The following LRRFIP1 variants were observed in gnomAD, a reference collection of about 807,000 sequenced individuals.
The protein encoded by LRRFIP1 is leucine-rich repeat flightless-interacting protein 1.
In LRRFIP1, 62 loss-of-function variants were observed where a neutral mutation model predicts 104.4. The ratio of observed to expected loss-of-function variants is 0.59; its 90% CI spans 0.48 to 0.73. The LOEUF (loss-of-function observed/expected upper bound fraction) is 0.73, where lower values mean the gene tolerates loss of function less well. Ranked by LOEUF, LRRFIP1 falls within the 30% of genes least tolerant of loss-of-function variation. The pLI is 0.00. For synonymous variants in LRRFIP1, 300 were observed against 299.0 expected (o/e 1.00, Z -0.03); for missense variants, 796 against 824.5 (o/e 0.97, Z 0.42).
chr2:237,776,349 G>T (rs1329952945), intron 23 of LRRFIP1, among the ~76,000 whole-genome samples: 1 of 152,178 alleles, frequency 6.6e-6, no homozygotes, highest in East Asian at 1.9e-4. Flanking sequence ...CTTGCTTAAT[G>T]GCCTGATACA....
In LRRFIP1 at chr2:237,766,580, C is replaced by T. The variant is rs907214997; in HGVS notation, c.1460-3363C>T. On this transcript the variant is annotated intron_variant, in intron 19 of 23. Coordinates refer to ENST00000308482, the MANE Select transcript of LRRFIP1 (RefSeq NM_001137550.2). The surrounding 1 kb of genome is among the most constrained non-coding windows in gnomAD (Gnocchi z 4.8). ...ACATCACATCCCTCAGCTCAGCCAT[C>T]CAGCCGTCTCAGTGATTCACCACTC... is the stretch of plus-strand genomic sequence containing the variant. Among the ~76,000 whole-genome samples, 2 of 152,180 alleles carry T rather than the reference C, an allele frequency of 1.3e-5. No homozygotes were observed. Among genetic ancestry groups the T allele is most frequent in the Non-Finnish European group, 2.9e-5 (2 of 68,050 alleles).
chr2:237,707,258 C>T (rs184635403), intron 1 of LRRFIP1, among the ~76,000 whole-genome samples: 22 of 150,942 alleles, frequency 1.5e-4, no homozygotes, highest in Admixed American at 4.0e-4. Context: ...CTGGCCACCT[C>T]GGAAGTCCCA....
intron 1 of LRRFIP1, among the ~76,000 whole-genome samples, chr2:237,629,968 CTT>C (rs2082121224): frequency 6.6e-6 from 1 of 152,126 alleles, no homozygotes; most frequent in Non-Finnish European, 1.5e-5. Flanking sequence ...GTTACTCACT[CTT>C]CTCTGGGCCT....
intron 1 of LRRFIP1, among the ~76,000 whole-genome samples, chr2:237,651,439 A>G (rs560639694): frequency 1.3e-5 from 2 of 152,174 alleles, no homozygotes; most frequent in Non-Finnish European, 2.9e-5. Context: ...TCATATTACA[A>G]TTGGTTGGTT....
chr2:237,700,839 G>A (rs773821766), intron 1 of LRRFIP1, among the ~76,000 whole-genome samples: 6 of 152,316 alleles, frequency 3.9e-5, no homozygotes, highest in Admixed American at 6.5e-5. Flanking sequence ...TTCACATGCG[G>A]TGCTTTCCAG....
At chr2:237,749,067 C>T in intron 12 of LRRFIP1, 132 bp from the exon 13 acceptor site, 1 of 885,440 alleles carries the variant, frequency 1.1e-6, no homozygotes, top group Non-Finnish European at 1.7e-6. Flanking sequence ...GAAACTGCCC[C>T]CGTGATCCAG....
chr2:237,730,780 C>T (rs2094964547), intron 8 of LRRFIP1, among the ~76,000 whole-genome samples: 1 of 152,042 alleles, frequency 6.6e-6, no homozygotes, highest in African/African-American at 2.4e-5. Flanking sequence ...TAGCTAGGTG[C>T]GGTGGCACAT....
rs1020930387 is a variant in LRRFIP1, at chr2:237,753,609, A to G, written c.1038+130A>G. Reference sequence around the variant, plus strand: ...CCAAGAGTTCGAGACCAGCCTGGGCAACATGGCGAGACATCATTTCTAAAA... The same window carrying G: ...CCAAGAGTTCGAGACCAGCCTGGGCGACATGGCGAGACATCATTTCTAAAA... On this transcript the variant is annotated intron_variant, in intron 15 of 23. Transcript: ENST00000308482. 5 of 661,244 alleles carry G rather than the reference A, an allele frequency of 7.6e-6. No individual in the cohort carries two copies. In the African/African-American group the frequency reaches 9.4e-5, roughly 12 times the overall value. 41.0% of individuals were successfully genotyped at this position (661,244 alleles called of 1,614,324 possible). A position where few individuals can be genotyped will look rare whatever the true frequency, so the allele number is the denominator to read the frequency against.
intron 1 of LRRFIP1, among the ~76,000 whole-genome samples, chr2:237,708,102 A>C (rs2093902898): frequency 6.6e-6 from 1 of 152,212 alleles, no homozygotes; most frequent in South Asian, 2.1e-4. Context: ...GGAAACCTGG[A>C]GTAGCATCCA....
At chr2:237,747,662 G>A (rs181477201) in intron 11 of LRRFIP1, among the ~76,000 whole-genome samples, 65 of 152,284 alleles carry the variant, frequency 4.3e-4, no homozygotes, top group African/African-American at 1.3e-3. Context: ...TGCAGTTGCC[G>A]CGCATGTCTT....
chr2:237,694,919 A>G (rs893514159), intron 1 of LRRFIP1, among the ~76,000 whole-genome samples: 2 of 152,210 alleles, frequency 1.3e-5, no homozygotes, highest in Non-Finnish European at 1.5e-5. Flanking sequence ...CACTGTCCCA[A>G]GAAAGGGCTG....
chr2:237,703,816 C>T lies in LRRFIP1; in HGVS notation c.97-4728C>T, dbSNP rs3754723. On this transcript the variant is annotated intron_variant, in intron 1 of 23. Coordinates refer to ENST00000308482, the MANE Select transcript of LRRFIP1 (RefSeq NM_001137550.2). This position sits in a 1 kb window ranked among gnomAD's most constrained non-coding sequence, Gnocchi z 4.3. ...CAAGCAGTGCTGAGACAGCATGGCACGTTCACAGCACAGTGCATTCCTGTG... is the reference window on the plus strand; with the variant it reads ...CAAGCAGTGCTGAGACAGCATGGCATGTTCACAGCACAGTGCATTCCTGTG... 0.31 allele frequency among the ~76,000 whole-genome samples: 46,536 copies of T among 151,882 alleles called. 8,450 individuals carry two copies. Among genetic ancestry groups the T allele is most frequent in the African/African-American group, 0.51 (20,984 of 41,348 alleles).
At chr2:237,723,142 A>AT (rs556723244) in intron 6 of LRRFIP1, among the ~76,000 whole-genome samples, 2 of 152,254 alleles carry the variant, frequency 1.3e-5, no homozygotes, top group Admixed American at 6.5e-5. Flanking sequence ...GAAAGTCTAG[A>AT]TTTTGGATTT....
At chr2:237,756,781 A>G (rs1576313590) in intron 16 of LRRFIP1, among the ~76,000 whole-genome samples, 1 of 152,336 alleles carries the variant, frequency 6.6e-6, no homozygotes, top group African/African-American at 2.4e-5. Context: ...AGTTGCCTAC[A>G]TCCAGATCCC....
intron 19 of LRRFIP1, among the ~76,000 whole-genome samples, chr2:237,767,897 T>G (rs2060342127): frequency 6.6e-6 from 1 of 152,254 alleles, no homozygotes; most frequent in African/African-American, 2.4e-5. Flanking sequence ...TGTATTATGT[T>G]CAGAATATGT....
intron 14 of LRRFIP1, among the ~76,000 whole-genome samples, chr2:237,752,249 T>C (rs1200596994): frequency 2.0e-5 from 3 of 151,976 alleles, no homozygotes; most frequent in Admixed American, 1.3e-4. Flanking sequence ...CTACTAAAAA[T>C]ATAAAAATTA....
chr2:237,672,129 G>GA (rs201059981), intron 1 of LRRFIP1, among the ~76,000 whole-genome samples: 4,282 of 151,922 alleles, frequency 0.028, 194 homozygotes, highest in African/African-American at 0.098. Flanking sequence ...ATTTGTCTCT[G>GA]AAAAAAATGT....
intron 7 of LRRFIP1, among the ~76,000 whole-genome samples, chr2:237,727,355 C>CA (rs35562237): frequency 0.036 from 2,999 of 84,446 alleles, 88 homozygotes; most frequent in African/African-American, 0.089. Context: ...GACTCTGTCT[C>CA]AAAAAAAAAA....
chr2:237,708,294 C>A (rs1330050855), intron 1 of LRRFIP1, among the ~76,000 whole-genome samples: 1 of 152,222 alleles, frequency 6.6e-6, no homozygotes, highest in Non-Finnish European at 1.5e-5. Flanking sequence ...GCAAGGAATA[C>A]ATGGCATCAT....
Sources: gnomAD v4.1 joint callset for allele counts (sites outside exome capture counted in the v4.1 genomes callset) on GRCh38, gnomAD v4.1.1 for gene constraint, Gnocchi (gnomAD v3.1) non-coding constraint, MANE v1.5 for transcripts, NCBI Gene and HGNC (gene_info 2026-07-23, HGNC 2026-07-21) for gene names.